ZEB1: variants seen among roughly 807,000 people sequenced by gnomAD.
ZEB1 encodes zinc finger E-box-binding homeobox 1.
In ZEB1, 21 loss-of-function variants were observed where a neutral mutation model predicts 84.9. The ratio of observed to expected loss-of-function variants is 0.25; its 90% confidence interval spans 0.18 to 0.36. ZEB1 has a LOEUF of 0.36. Ranked by LOEUF, ZEB1 falls within the 10% of genes least tolerant of loss-of-function variation. ZEB1 has a pLI of 1.00. For missense variants in ZEB1, 1,104 were observed against 1,330.2 expected, an observed-to-expected ratio of 0.83 and a Z score of 2.65; for synonymous variants, 420 against 471.1, an observed-to-expected ratio of 0.89 and a Z score of 1.41.
chr10:31,480,441 C>G (rs1449011877), intron 2 of ZEB1, among the ~76,000 whole-genome samples: 1 of 151,946 alleles, frequency 6.6e-6, no homozygotes, highest in Non-Finnish European at 1.5e-5. Flanking sequence ...CATTTTCAAC[C>G]AGAGGTGGTG....
At chr10:31,420,057 CTAAA>C in intron 1 of ZEB1, among the ~76,000 whole-genome samples, 1 of 152,198 alleles carries the variant, frequency 6.6e-6, no homozygotes, top group African/African-American at 2.4e-5. Flanking sequence ...ATGTATACTA[CTAAA>C]TTTCTACTTC....
chr10:31,470,511 G>GA lies in ZEB1; in HGVS notation c.259+9280dup, dbSNP rs1417237844. On this transcript the variant is annotated intron_variant, in intron 2 of 8. Transcript: ENST00000424869. Reference sequence around the variant, plus strand: ...AATGAAGCGAGAAGGAAAGTTTAGAGAAAAAAGAATAAAAAGAAATGAGCA... The same window carrying GA: ...AATGAAGCGAGAAGGAAAGTTTAGAGAAAAAAAGAATAAAAAGAAATGAGCA... 1.6e-3 allele frequency among the ~76,000 whole-genome samples: 246 copies of GA among 149,220 alleles called. 3 individuals are homozygous for GA. Among genetic ancestry groups the GA allele is most frequent in the African/African-American group, 5.9e-3 (237 of 40,012 alleles).
Position 31,520,882 on chromosome 10 carries a change from C to G in ZEB1, c.1550C>G (p.Ser517Cys), listed in dbSNP as rs1306014711. 6.2e-7 allele frequency: 1 copy of G among 1,613,968 alleles called. No individual in the cohort carries two copies. Among genetic ancestry groups the G allele is most frequent in the Admixed American group, 1.7e-5 (1 of 59,978 alleles). The change falls in exon 7 of 9, where the codon TCT becomes TGT. Residue 517 changes from serine to cysteine, a missense_variant. By Grantham distance (112) the Ser-to-Cys change is moderately radical (BLOSUM62 -1). Coordinates refer to ENST00000424869, the MANE Select transcript of ZEB1 (RefSeq NM_001174096.2). The surrounding 1 kb of genome is among the most constrained non-coding windows in gnomAD (Gnocchi z 5.1). ...EKLPEDLTVK[S>C]EKDKSFEGGV... Reference sequence around the variant, plus strand: ...TTACCAGAAGATCTTACTGTTAAGTCTGAGAAGGACAAAAGCTTTGAAGGG... The same window carrying G: ...TTACCAGAAGATCTTACTGTTAAGTGTGAGAAGGACAAAAGCTTTGAAGGG...
At chr10:31,441,864 T>C (rs2059038531) in intron 1 of ZEB1, among the ~76,000 whole-genome samples, 2 of 152,200 alleles carry the variant, frequency 1.3e-5, no homozygotes, top group South Asian at 4.1e-4. Context: ...TGAGATACCA[T>C]TTCACACCAG....
chr10:31,348,893 C>G (rs1208461152), intron 1 of ZEB1, among the ~76,000 whole-genome samples: 1 of 152,164 alleles, frequency 6.6e-6, no homozygotes, highest in Non-Finnish European at 1.5e-5. Context: ...ATGGCTAAAT[C>G]AAGCTAATTA....
chr10:31,335,088 G>T (rs2037710828), intron 1 of ZEB1, among the ~76,000 whole-genome samples: 1 of 152,042 alleles, frequency 6.6e-6, no homozygotes, highest in African/African-American at 2.4e-5. Context: ...TCATAGATTA[G>T]ATATCATCAC....
chr10:31,511,340 C>T (rs1435403616), intron 5 of ZEB1, among the ~76,000 whole-genome samples: 3 of 151,892 alleles, frequency 2.0e-5, no homozygotes, highest in Non-Finnish European at 4.4e-5. Flanking sequence ...GTTTTTTTCC[C>T]CCGTAGTAAA....
In ZEB1 at chr10:31,521,604, C is replaced by G; in HGVS notation, c.2272C>G (p.Gln758Glu). 1 of 1,614,030 alleles carries G rather than the reference C, an allele frequency of 6.2e-7. No individual in the cohort carries two copies. Among genetic ancestry groups the G allele is most frequent in the Non-Finnish European group, 8.5e-7 (1 of 1,179,994 alleles). The change falls in exon 7 of 9, where the codon CAG becomes GAG. Residue 758 changes from glutamine (Q) to glutamate (E), a missense_variant. This residue lies in a region of ZEB1 where 531 missense variants were observed against 575.2 expected (regional missense o/e 0.92). Transcript: ENST00000424869. ...AAGGTCAACTATCACTAGTGTTTACCAGAACAGTGTTTATTCTGTCCAGGA... is the reference window on the plus strand; with the variant it reads ...AAGGTCAACTATCACTAGTGTTTACGAGAACAGTGTTTATTCTGTCCAGGA... ...LERSTITSVY[Q>E]NSVYSVQEEP...
At chr10:31,412,605 C>A (rs2054510007) in intron 1 of ZEB1, among the ~76,000 whole-genome samples, 1 of 152,214 alleles carries the variant, frequency 6.6e-6, no homozygotes, top group Non-Finnish European at 1.5e-5. Flanking sequence ...TTTTTTATGG[C>A]TGCATAGTAT....
chr10:31,472,684 G>A (rs569159073), intron 2 of ZEB1, among the ~76,000 whole-genome samples: 4 of 129,154 alleles, frequency 3.1e-5, no homozygotes, highest in Admixed American at 7.6e-5. Flanking sequence ...TAGAAAAAGA[G>A]GGAATCCTCC....
At chr10:31,359,031 G>A (rs998781349) in intron 1 of ZEB1, among the ~76,000 whole-genome samples, 2 of 151,390 alleles carry the variant, frequency 1.3e-5, no homozygotes, top group African/African-American at 4.9e-5. Flanking sequence ...GTGTCGTTTT[G>A]CCCCAAATCA....
At chr10:31,465,974 G>C (rs569412656) in intron 2 of ZEB1, among the ~76,000 whole-genome samples, 32 of 152,172 alleles carry the variant, frequency 2.1e-4, no homozygotes, top group African/African-American at 7.7e-4. Flanking sequence ...AGAGAGCAGT[G>C]GTGGCCATTT....
In ZEB1 at chr10:31,408,763, T is replaced by G. The variant is rs1024030400; in HGVS notation, c.59-52274T>G. 3.2e-4 allele frequency among the ~76,000 whole-genome samples: 48 copies of G among 149,094 alleles called. No homozygotes were observed. In the Middle Eastern group the frequency reaches 0.014, roughly 42 times the overall value. ...ATCAATTCAAGATGGATTAAAGACT[T>G]AAACGTTAGACCTAAAACCATAAAA... On this transcript the variant is annotated intron_variant, in intron 1 of 8. Transcript: ENST00000424869.
chr10:31,446,483 T>C (rs1008737100), intron 1 of ZEB1, among the ~76,000 whole-genome samples: 11 of 150,460 alleles, frequency 7.3e-5, no homozygotes, highest in African/African-American at 2.7e-4. Flanking sequence ...CTTGCTTTTC[T>C]AGTTCTTTTA....
At chr10:31,349,109 C>T (rs1310005345) in intron 1 of ZEB1, among the ~76,000 whole-genome samples, 1 of 152,154 alleles carries the variant, frequency 6.6e-6, no homozygotes. Flanking sequence ...TACCACCATT[C>T]TACTCTCTGC....
At chr10:31,493,055 C>T (rs1176915537) in intron 2 of ZEB1, among the ~76,000 whole-genome samples, 1 of 151,920 alleles carries the variant, frequency 6.6e-6, no homozygotes, top group Non-Finnish European at 1.5e-5. Context: ...TTGATACAGT[C>T]AAGATACAGA....
Position 31,351,910 on chromosome 10 carries a change from C to T in ZEB1, c.58+32618C>T, listed in dbSNP as rs191651040. The stretch of plus-strand genomic sequence containing the variant: ...TGGTATACTGATACTTCACCAAATA[C>T]AATGTTTATCTTTAAAGAAGTTTCT... On this transcript the variant is annotated intron_variant, in intron 1 of 8. Coordinates refer to ENST00000424869, the MANE Select transcript of ZEB1 (RefSeq NM_001174096.2). Among the ~76,000 whole-genome samples the T allele has an allele frequency of 5.9e-5, 9 of 152,216 alleles. No homozygotes were observed. In the East Asian group the frequency reaches 1.7e-3, roughly 29 times the overall value.
chr10:31,429,719 A>G (rs2057451663), intron 1 of ZEB1, among the ~76,000 whole-genome samples: 1 of 144,936 alleles, frequency 6.9e-6, no homozygotes, highest in South Asian at 2.2e-4. Context: ...TGTTGTGAAT[A>G]CTTACAGGCA....
At chr10:31,401,732 G>A (rs904451238) in intron 1 of ZEB1, among the ~76,000 whole-genome samples, 1 of 152,106 alleles carries the variant, frequency 6.6e-6, no homozygotes, top group Non-Finnish European at 1.5e-5. Context: ...CAATTTTACT[G>A]CAATTTTAAC....
Sources: allele counts gnomAD v4.1 joint callset (sites outside exome capture counted in the v4.1 genomes callset), GRCh38; gene constraint gnomAD v4.1.1; regional missense constraint gnomAD v4.1.1; non-coding constraint Gnocchi (gnomAD v3.1); transcripts MANE v1.5; gene names NCBI Gene and HGNC (gene_info 2026-07-23, HGNC 2026-07-21).